The following BCL2L11 variants were observed in gnomAD, a reference collection of about 807,000 sequenced individuals.
BCL2L11 encodes the protein bcl-2-like protein 11.
In BCL2L11, 15 loss-of-function variants were observed where a neutral mutation model predicts 20.6. The observed-to-expected ratio is 0.73, with a 90% CI of 0.49 to 1.12. The LOEUF (loss-of-function observed/expected upper bound fraction) is 1.12, where lower values mean the gene tolerates loss of function less well. Among genes scored for constraint, BCL2L11 ranks in the 50% most tolerant of loss-of-function variants. The pLI is 0.00. For missense variants in BCL2L11, 292 were observed against 260.9 expected (o/e 1.12, Z -0.82); for synonymous variants, 108 against 92.8 (o/e 1.16, Z -0.94).
intron 3 of BCL2L11, among the ~76,000 whole-genome samples, chr2:111,156,012 T>C (rs113887698): frequency 1.1e-4 from 16 of 152,264 alleles, no homozygotes; most frequent in Admixed American, 7.2e-4. Context: ...GAAATACTTA[T>C]ATGCTCTCCT....
intron 2 of BCL2L11, among the ~76,000 whole-genome samples, chr2:111,133,406 G>A (rs999108041): frequency 6.6e-6 from 1 of 152,082 alleles, no homozygotes; most frequent in African/African-American, 2.4e-5. Context: ...TGCATCCCAC[G>A]TGTTTTGGTA....
At chr2:111,156,604 T>C (rs2077888496) in intron 3 of BCL2L11, among the ~76,000 whole-genome samples, 1 of 152,126 alleles carries the variant, frequency 6.6e-6, no homozygotes, top group South Asian at 2.1e-4. Flanking sequence ...GCTGGGATTA[T>C]GTGGACTATG....
intron 2 of BCL2L11, among the ~76,000 whole-genome samples, chr2:111,142,094 G>A (rs548570396): frequency 9.2e-5 from 14 of 152,280 alleles, no homozygotes; most frequent in African/African-American, 3.1e-4. Context: ...TGGAAAGTGG[G>A]GGCATCAGGG....
intron 2 of BCL2L11, among the ~76,000 whole-genome samples, chr2:111,127,054 A>G (rs1220625964): frequency 6.6e-6 from 1 of 152,174 alleles, no homozygotes; most frequent in Admixed American, 6.5e-5. Context: ...AGTTCAAGGA[A>G]TATATTTCTC....
chr2:111,122,909 A>C, intron 1 of BCL2L11: 1 of 985,122 alleles, frequency 1.0e-6, no homozygotes, highest in Non-Finnish European at 1.2e-6. Context: ...TGCGCTCTGA[A>C]GGGAAGGCGC....
At chr2:111,162,442 T>G (rs2078677828) in intron 3 of BCL2L11, among the ~76,000 whole-genome samples, 2 of 152,192 alleles carry the variant, frequency 1.3e-5, no homozygotes, top group Non-Finnish European at 2.9e-5. Flanking sequence ...ATCCTTTACA[T>G]TTGAGATGAA....
chr2:111,136,412 G>C (rs1385656768), intron 2 of BCL2L11, among the ~76,000 whole-genome samples: 3 of 152,178 alleles, frequency 2.0e-5, no homozygotes, highest in African/African-American at 4.8e-5. Context: ...TCTGTCTCGG[G>C]TTTTCAGTTG....
intron 2 of BCL2L11, among the ~76,000 whole-genome samples, chr2:111,141,076 T>C (rs1183026104): frequency 6.6e-6 from 1 of 152,188 alleles, no homozygotes; most frequent in Admixed American, 6.5e-5. Flanking sequence ...CATAGGCCTA[T>C]TAACAACCCT....
intron 2 of BCL2L11, among the ~76,000 whole-genome samples, chr2:111,129,601 G>A (rs1241539559): frequency 1.3e-5 from 2 of 152,182 alleles, no homozygotes; most frequent in Non-Finnish European, 2.9e-5. Context: ...TCCATCTACT[G>A]TATTGAGATT....
chr2:111,139,233 G>A (rs565817204), intron 2 of BCL2L11, among the ~76,000 whole-genome samples: 124 of 152,270 alleles, frequency 8.1e-4, no homozygotes, highest in African/African-American at 2.8e-3. Context: ...AAGAACCTCA[G>A]CTTCTTGGGT....
At chr2:111,128,738 A>G in intron 2 of BCL2L11, 3 of 1,547,714 alleles carry the variant, frequency 1.9e-6, no homozygotes, top group Non-Finnish European at 1.7e-6. Context: ...CTCAACCACA[A>G]GGATTTCTCA....
intron 2 of BCL2L11, among the ~76,000 whole-genome samples, chr2:111,148,078 A>T (rs1050593316): frequency 1.6e-4 from 25 of 152,242 alleles, no homozygotes; most frequent in Admixed American, 1.1e-3. Flanking sequence ...TAAAACATCA[A>T]TCTGTAGTTC....
chr2:111,136,909 T>TAA (rs2074990278), intron 2 of BCL2L11, among the ~76,000 whole-genome samples: 1 of 152,156 alleles, frequency 6.6e-6, no homozygotes, highest in Admixed American at 6.5e-5. Context: ...ATAACAGACT[T>TAA]ACAATGATGG....
At chr2:111,144,607 T>C in intron 2 of BCL2L11, 2 of 1,420,788 alleles carry the variant, frequency 1.4e-6, no homozygotes, top group South Asian at 2.6e-5. Context: ...TAGAAAGATA[T>C]TTCTGAAGAT....
chr2:111,135,604 T>C (rs1386413453), intron 2 of BCL2L11, among the ~76,000 whole-genome samples: 1 of 152,026 alleles, frequency 6.6e-6, no homozygotes, highest in Non-Finnish European at 1.5e-5. Flanking sequence ...TTCTCCCTCT[T>C]TGATGCTAGA....
chr2:111,124,317 G>A (rs1478691009), intron 2 of BCL2L11, among the ~76,000 whole-genome samples, 178 bp downstream of exon 2: 12 of 149,522 alleles, frequency 8.0e-5, no homozygotes, highest in Non-Finnish European at 1.5e-5. Flanking sequence ...TTTGAGATGA[G>A]TCTTGCTCTG....
chr2:111,128,916 G>T (rs1000391173), intron 2 of BCL2L11: 3 of 1,209,000 alleles, frequency 2.5e-6, no homozygotes, highest in Non-Finnish European at 3.3e-6. Context: ...TGTGGCTGGT[G>T]TTCTGTTTCA....
At chr2:111,132,288 A>G (rs1369989961) in intron 2 of BCL2L11, 3 of 152,246 alleles carry the variant, frequency 2.0e-5, no homozygotes, top group African/African-American at 7.2e-5. Flanking sequence ...AAATACTGTT[A>G]ATATGCACAC....
intron 2 of BCL2L11, among the ~76,000 whole-genome samples, chr2:111,133,239 C>T (rs1177774033): frequency 1.3e-5 from 2 of 152,220 alleles, no homozygotes; most frequent in Non-Finnish European, 1.5e-5. Flanking sequence ...GAATGGCAGC[C>T]TGCCAAACAG....
Sources: allele counts gnomAD v4.1 joint callset (sites outside exome capture counted in the v4.1 genomes callset), GRCh38; gene constraint gnomAD v4.1.1; transcripts MANE v1.5; gene names NCBI Gene and HGNC (gene_info 2026-07-23, HGNC 2026-07-21).